KLHL29: variants seen among roughly 807,000 people sequenced by gnomAD.
KLHL29 encodes the protein kelch like family member 29, also known as kelch-like protein 29.
Under a neutral mutation model 80.4 loss-of-function variants are expected in KLHL29, and 21 were observed. The ratio of observed to expected loss-of-function variants is 0.26; its 90% CI spans 0.19 to 0.38. The LOEUF (loss-of-function observed/expected upper bound fraction) is 0.38, where lower values mean the gene tolerates loss of function less well. KLHL29 is among the 10% of genes least tolerant of loss of function. The pLI, the probability that KLHL29 is intolerant of heterozygous loss-of-function variation, is 1.00. For synonymous variants in KLHL29, 511 were observed against 526.8 expected (o/e 0.97, Z 0.41); for missense variants, 867 against 1,223.9 (o/e 0.71, Z 4.35).
chr2:23,392,645 A>T (rs975089884), intron 1 of KLHL29, among the ~76,000 whole-genome samples: 1 of 152,236 alleles, frequency 6.6e-6, no homozygotes, highest in South Asian at 2.1e-4. Flanking sequence ...GTGGTAATCA[A>T]CTGGCCCAAG....
At chr2:23,481,663 C>T (rs943788274) in intron 2 of KLHL29, among the ~76,000 whole-genome samples, 3 of 152,176 alleles carry the variant, frequency 2.0e-5, no homozygotes, top group African/African-American at 7.2e-5. Flanking sequence ...CGCCTGTAAT[C>T]CCAGCACTTT....
chr2:23,399,621 C>T (rs1416082656), intron 1 of KLHL29, among the ~76,000 whole-genome samples: 1 of 152,204 alleles, frequency 6.6e-6, no homozygotes, highest in Non-Finnish European at 1.5e-5. Flanking sequence ...ATGAAATCTA[C>T]AGCCTCAAGT....
intron 1 of KLHL29, among the ~76,000 whole-genome samples, chr2:23,424,809 C>T (rs779233756): frequency 6.6e-6 from 1 of 152,218 alleles, no homozygotes; most frequent in Non-Finnish European, 1.5e-5. Context: ...CGCTTTATCT[C>T]ATCATTTAGA....
intron 2 of KLHL29, among the ~76,000 whole-genome samples, chr2:23,492,421 C>T (rs1330663970): frequency 6.6e-6 from 1 of 152,214 alleles, no homozygotes; most frequent in Non-Finnish European, 1.5e-5. Context: ...GCACCCACCC[C>T]CAGCCCTTGC....
At chr2:23,437,345 G>A (rs531982604) in intron 1 of KLHL29, among the ~76,000 whole-genome samples, 11 of 152,298 alleles carry the variant, frequency 7.2e-5, no homozygotes, top group Middle Eastern at 3.4e-3. Context: ...TCATTTTAAT[G>A]AGGTCCTTAA....
intron 1 of KLHL29, among the ~76,000 whole-genome samples, chr2:23,448,876 G>A (rs1436890149): frequency 6.6e-6 from 1 of 152,086 alleles, no homozygotes; most frequent in Non-Finnish European, 1.5e-5. Context: ...ATGCAAACAC[G>A]TCTGCTTGGT....
intron 2 of KLHL29, among the ~76,000 whole-genome samples, chr2:23,525,736 CCCACCCG>C (rs1221331948): frequency 1.5e-4 from 4 of 26,908 alleles, no homozygotes; most frequent in Admixed American, 6.1e-4. Context: ...GCCCCCCCCC[CCCACCCG>C]AGGCGAGCCA....
intron 1 of KLHL29, among the ~76,000 whole-genome samples, chr2:23,404,941 C>A (rs1666689347): frequency 6.6e-6 from 1 of 152,202 alleles, no homozygotes; most frequent in Non-Finnish European, 1.5e-5. Flanking sequence ...CAAGTTCTTT[C>A]CTTTATGTAT....
intron 3 of KLHL29, among the ~76,000 whole-genome samples, chr2:23,634,011 T>A (rs1343885431): frequency 6.6e-6 from 1 of 152,214 alleles, no homozygotes. Flanking sequence ...ATCATGGGTC[T>A]GTTCCTTGGG....
At chr2:23,560,749 G>A (rs1460095467) in intron 2 of KLHL29, among the ~76,000 whole-genome samples, 1 of 152,214 alleles carries the variant, frequency 6.6e-6, no homozygotes, top group Non-Finnish European at 1.5e-5. Flanking sequence ...CCTGGCAGAG[G>A]GGATGATGGC....
intron 5 of KLHL29, among the ~76,000 whole-genome samples, chr2:23,650,012 C>T (rs1670047618): frequency 2.0e-5 from 3 of 152,242 alleles, no homozygotes; most frequent in Admixed American, 2.0e-4. Context: ...CTCCTGTGCA[C>T]AGAGCCCACG....
intron 2 of KLHL29, among the ~76,000 whole-genome samples, chr2:23,545,437 ATGCTCCC>A (rs1266183137): frequency 6.6e-6 from 1 of 152,150 alleles, no homozygotes; most frequent in African/African-American, 2.4e-5. Context: ...TGCTCCGTAA[ATGCTCCC>A]TGCTTCCCCT....
chr2:23,587,245 C>CT (rs34675398), intron 3 of KLHL29, among the ~76,000 whole-genome samples: 21,232 of 146,556 alleles, frequency 0.14, 1,919 homozygotes, highest in Admixed American at 0.29. Flanking sequence ...GGCCAATTTA[C>CT]TTTTTTTTTT....
rs536429665 is a variant in KLHL29 at position 23,682,253 on chromosome 2, A to C, written c.941-2146A>C. ...ACCATCAGCAGCACTGCACACTCCC[A>C]CCCGCTGAGCGCTCCCTGTGTGCCC... is the stretch of plus-strand genomic sequence containing the variant. On this transcript the variant is annotated intron_variant, in intron 5 of 13. Coordinates refer to ENST00000486442, the MANE Select transcript of KLHL29 (RefSeq NM_052920.2). This position sits in a 1 kb window ranked among gnomAD's most constrained non-coding sequence, Gnocchi z 4.1. Among the ~76,000 whole-genome samples the C allele has an allele frequency of 6.6e-6, 1 of 151,564 alleles. No individual in the cohort carries two copies. Among genetic ancestry groups the C allele is most frequent in the Non-Finnish European group, 1.5e-5 (1 of 67,928 alleles).
rs142858594 is a variant in KLHL29, at chr2:23,582,025, C to T, written c.285+19544C>T. On this transcript the variant is annotated intron_variant, in intron 3 of 13. Coordinates refer to ENST00000486442, the MANE Select transcript of KLHL29 (RefSeq NM_052920.2). ...CCATCTGAGTCCAACCCTCTGGCTG[C>T]TCCAGCTTTGTGGCCTCAGATACCA... is the stretch of plus-strand genomic sequence containing the variant. Among the ~76,000 whole-genome samples the T allele has an allele frequency of 7.0e-3, 1,072 of 152,206 alleles. 11 individuals carry two copies. Among genetic ancestry groups the T allele is most frequent in the Non-Finnish European group, 0.011 (737 of 68,018 alleles).
At chr2:23,656,731 C>G (rs758524236) in intron 5 of KLHL29, among the ~76,000 whole-genome samples, 8 of 151,450 alleles carry the variant, frequency 5.3e-5, no homozygotes, top group Non-Finnish European at 8.8e-5. Context: ...AGAAGCTGGG[C>G]GGAGGTGAGG....
chr2:23,593,464 G>C (rs1158917878), intron 3 of KLHL29, among the ~76,000 whole-genome samples: 1 of 152,202 alleles, frequency 6.6e-6, no homozygotes, highest in East Asian at 1.9e-4. Context: ...AGGCCTATGT[G>C]TCTAACAGAT....
intron 2 of KLHL29, among the ~76,000 whole-genome samples, chr2:23,533,220 G>C (rs1666555889): frequency 6.6e-6 from 1 of 152,168 alleles, no homozygotes; most frequent in Admixed American, 6.5e-5. Context: ...AGTGTGTGCA[G>C]ATCTGTGTGT....
chr2:23,660,832 C>T (rs1258790238), intron 5 of KLHL29, among the ~76,000 whole-genome samples: 3 of 152,086 alleles, frequency 2.0e-5, no homozygotes, highest in Admixed American at 2.0e-4. Flanking sequence ...TCAAGGTCAG[C>T]CTGGCCACCA....
Sources: allele counts gnomAD v4.1 joint callset (sites outside exome capture counted in the v4.1 genomes callset), GRCh38; gene constraint gnomAD v4.1.1; non-coding constraint Gnocchi (gnomAD v3.1); transcripts MANE v1.5; gene names NCBI Gene and HGNC (gene_info 2026-07-23, HGNC 2026-07-21).